Variants in PKP4 observed in about 807,000 individuals in gnomAD.
The protein encoded by PKP4 is plakophilin-4.
A neutral mutation model predicts 145.1 loss-of-function variants in PKP4; 90 were observed. That is an observed-to-expected ratio of 0.62 (90% CI 0.52 to 0.74). PKP4 has a LOEUF of 0.74. Ranked by LOEUF, PKP4 falls within the 30% of genes least tolerant of loss-of-function variation. The pLI, the probability that PKP4 is intolerant of heterozygous loss-of-function variation, is 0.00. For synonymous variants in PKP4, 563 were observed against 577.2 expected (o/e 0.98, Z 0.35); for missense variants, 1,340 against 1,482.7 (o/e 0.90, Z 1.58).
rs1386049802 is a variant in PKP4, at chr2:158,678,642, T to C, written c.3318T>C (p.Asn1106=). The stretch of plus-strand genomic sequence containing the variant: ...ATTCCTCACCAGCAAGAGAACAAAA[T>C]AGACGGCTACAGGTGAATTTGCAAT... ...SSYSSPAREQ[N]RRLQHQQLYY... is the part of the protein sequence containing the mutation. Residue 1106 remains asparagine, a synonymous_variant, in exon 21 of 22, where the codon AAT becomes AAC. Transcript: ENST00000389759. The C allele has an allele frequency of 9.4e-6, 15 of 1,596,586 alleles. No individual in the cohort carries two copies. The highest frequency in any genetic ancestry group is 2.2e-5 in the East Asian group (1 of 44,806).
chr2:158,580,214 GT>G (rs1164292871), intron 3 of PKP4, among the ~76,000 whole-genome samples: 6 of 152,104 alleles, frequency 3.9e-5, no homozygotes, highest in Admixed American at 3.9e-4. Flanking sequence ...GGTTCCATAT[GT>G]TTTTTTAAAA....
intron 8 of PKP4, among the ~76,000 whole-genome samples, chr2:158,633,186 G>A (rs11674918): frequency 0.19 from 29,449 of 152,218 alleles, 3,659 homozygotes; most frequent in Middle Eastern, 0.36. Flanking sequence ...ACCATCAGTG[G>A]ATGCCTGAAA....
At chr2:158,627,597 A>C (rs1182009829) in intron 7 of PKP4, among the ~76,000 whole-genome samples, 1 of 151,682 alleles carries the variant, frequency 6.6e-6, no homozygotes, top group Non-Finnish European at 1.5e-5. Flanking sequence ...TTTGTACTAC[A>C]TTCAGGGACT....
intron 1 of PKP4, among the ~76,000 whole-genome samples, chr2:158,523,176 C>T (rs897049504): frequency 1.3e-5 from 2 of 150,672 alleles, no homozygotes; most frequent in Non-Finnish European, 3.0e-5. Flanking sequence ...CCTCTGGGGG[C>T]AGGGCACAGA....
chr2:158,640,919 A>G (rs2054227809), intron 10 of PKP4, among the ~76,000 whole-genome samples, 160 bp downstream of exon 10: 1 of 152,230 alleles, frequency 6.6e-6, no homozygotes, highest in African/African-American at 2.4e-5. Flanking sequence ...GCATTTCAGT[A>G]TCTCTCAGGA....
chr2:158,637,648 T>C (rs1049087775), intron 9 of PKP4, among the ~76,000 whole-genome samples: 1 of 152,222 alleles, frequency 6.6e-6, no homozygotes, highest in African/African-American at 2.4e-5. Flanking sequence ...CTCGTGGATG[T>C]TTCCCTCCTC....
intron 1 of PKP4, among the ~76,000 whole-genome samples, chr2:158,470,598 A>G (rs1441404545): frequency 6.6e-6 from 1 of 152,250 alleles, no homozygotes; most frequent in Non-Finnish European, 1.5e-5. Context: ...GAAATATCAT[A>G]AACAACTAAC....
chr2:158,620,688 G>A (rs2052137908), intron 4 of PKP4, among the ~76,000 whole-genome samples: 1 of 152,194 alleles, frequency 6.6e-6, no homozygotes, highest in Non-Finnish European at 1.5e-5. Flanking sequence ...TCCCTTGGAG[G>A]AAGGTGTCTG....
At chr2:158,495,110 C>T (rs762570936) in intron 1 of PKP4, among the ~76,000 whole-genome samples, 2 of 151,848 alleles carry the variant, frequency 1.3e-5, no homozygotes, top group Admixed American at 6.6e-5. Flanking sequence ...CCTACCTACT[C>T]GGGAGGCTGA....
At chr2:158,474,741 C>G (rs1359341601) in intron 1 of PKP4, among the ~76,000 whole-genome samples, 1 of 152,110 alleles carries the variant, frequency 6.6e-6, no homozygotes, top group Admixed American at 6.5e-5. Flanking sequence ...GCCTCTCCCA[C>G]ACTAGCTGCT....
rs2058050843 is a variant in PKP4 at position 158,676,793 on chromosome 2, A to G, written c.3182A>G (p.Glu1061Gly). The G allele has an allele frequency of 1.2e-6, 2 of 1,614,158 alleles. No homozygotes were observed. Among genetic ancestry groups the G allele is most frequent in the Non-Finnish European group, 1.7e-6 (2 of 1,180,012 alleles). ...TTAGGAATCAGAGACCCTCGCTCTG[A>G]ATACGATAGGACCCAGCCACCTATG... is the stretch of plus-strand genomic sequence containing the variant. ...ALLGIRDPRS[E>G]YDRTQPPMQY... The change falls in exon 20 of 22, where the codon GAA (glutamate) becomes GGA (glycine). Residue 1061 changes from glutamate (E) to glycine (G), a missense_variant. Transcript: ENST00000389759.
At chr2:158,522,362 G>C (rs2042452770) in intron 1 of PKP4, among the ~76,000 whole-genome samples, 1 of 152,164 alleles carries the variant, frequency 6.6e-6, no homozygotes. Flanking sequence ...ACCTTCAGAA[G>C]TCATACTAGA....
At chr2:158,512,842 C>T (rs890846884) in intron 1 of PKP4, among the ~76,000 whole-genome samples, 3 of 152,262 alleles carry the variant, frequency 2.0e-5, no homozygotes, top group Non-Finnish European at 4.4e-5. Context: ...TAAACCAGAA[C>T]ACAAATTTAT....
chr2:158,557,728 G>A (rs1448315846), intron 2 of PKP4, among the ~76,000 whole-genome samples: 2 of 152,194 alleles, frequency 1.3e-5, no homozygotes, highest in Non-Finnish European at 1.5e-5. Context: ...ATAGTAAAGT[G>A]ATAACTTAGG....
At chr2:158,475,877 A>G (rs1692391057) in intron 1 of PKP4, among the ~76,000 whole-genome samples, 2 of 152,230 alleles carry the variant, frequency 1.3e-5, no homozygotes, top group African/African-American at 4.8e-5. Context: ...ACAACCCAAT[A>G]CAGACTGTTA....
chr2:158,481,487 A>G (rs1693346178), intron 1 of PKP4, among the ~76,000 whole-genome samples: 1 of 152,310 alleles, frequency 6.6e-6, no homozygotes, highest in South Asian at 2.1e-4. Flanking sequence ...AAGCAGCTGC[A>G]CAGTTTTTAC....
chr2:158,506,502 CA>C (rs2040988286), intron 1 of PKP4, among the ~76,000 whole-genome samples: 1 of 152,150 alleles, frequency 6.6e-6, no homozygotes, highest in African/African-American at 2.4e-5. Flanking sequence ...AATTTGGCCA[CA>C]AAAATGTTTA....
chr2:158,474,326 T>A (rs1460440232), intron 1 of PKP4, among the ~76,000 whole-genome samples: 1 of 152,230 alleles, frequency 6.6e-6, no homozygotes, highest in Non-Finnish European at 1.5e-5. Flanking sequence ...GCTCACTTGC[T>A]GTTAACGATA....
intron 11 of PKP4, 78 bp downstream of exon 11, chr2:158,642,777 G>C: frequency 8.8e-6 from 9 of 1,023,304 alleles, no homozygotes; most frequent in Non-Finnish European, 1.3e-5. Flanking sequence ...GTGGCACTAT[G>C]GAAGAGTTGG....
Sources: allele counts gnomAD v4.1 joint callset (sites outside exome capture counted in the v4.1 genomes callset), GRCh38; gene constraint gnomAD v4.1.1; transcripts MANE v1.5; gene names NCBI Gene and HGNC (gene_info 2026-07-23, HGNC 2026-07-21).